Variants in LATS2 observed in about 807,000 individuals in gnomAD.
LATS2 encodes the protein large tumor suppressor kinase 2.
A neutral mutation model predicts 76.0 loss-of-function variants in LATS2; 24 were observed. The observed-to-expected ratio is 0.32, with a 90% confidence interval of 0.23 to 0.44. LATS2 has a LOEUF of 0.44. LATS2 is among the 20% of genes least tolerant of loss of function. The pLI is 1.00. For missense variants in LATS2, 1,286 were observed against 1,481.2 expected, an observed-to-expected ratio of 0.87 and a Z score of 2.16; for synonymous variants, 692 against 635.4, an observed-to-expected ratio of 1.09 and a Z score of -1.34.
chr13:21,059,882 T>C (rs1873570974), intron 1 of LATS2, among the ~76,000 whole-genome samples: 1 of 147,668 alleles, frequency 6.8e-6, no homozygotes, highest in African/African-American at 2.5e-5. Flanking sequence ...GGAGAATCGC[T>C]CGAACCTGGG....
At chr13:20,994,283 T>C (rs952669856) in intron 2 of LATS2, among the ~76,000 whole-genome samples, 1 of 152,264 alleles carries the variant, frequency 6.6e-6, no homozygotes, top group Non-Finnish European at 1.5e-5. Flanking sequence ...CCTTTGAGGC[T>C]TGCCCTTGTT....
chr13:20,998,477 T>G (rs1409541037), intron 2 of LATS2, among the ~76,000 whole-genome samples: 2 of 152,198 alleles, frequency 1.3e-5, no homozygotes, highest in Non-Finnish European at 2.9e-5. Context: ...GGCGGGATCC[T>G]GTGCTTGCTT....
At chr13:21,018,690 G>C (rs141115855) in intron 2 of LATS2, among the ~76,000 whole-genome samples, 106 of 151,724 alleles carry the variant, frequency 7.0e-4, no homozygotes, top group Non-Finnish European at 1.2e-3. Context: ...GTCTTGCTTT[G>C]TCGCCCTGTC....
At chr13:20,985,827 T>C (rs1015135715) in intron 4 of LATS2, among the ~76,000 whole-genome samples, 4 of 151,688 alleles carry the variant, frequency 2.6e-5, no homozygotes, top group African/African-American at 4.9e-5. Context: ...AGGTGGATCA[T>C]CTGAGGTCGG....
At chr13:21,007,531 GATATATATATATAGT>G (rs1458076206) in intron 2 of LATS2, among the ~76,000 whole-genome samples, 3 of 15,486 alleles carry the variant, frequency 1.9e-4, no homozygotes, top group African/African-American at 1.3e-3. Flanking sequence ...GTAGGGGATG[GATATATATATATAGT>G]ATATATATAT....
intron 1 of LATS2, among the ~76,000 whole-genome samples, chr13:21,050,393 C>A (rs149202388): frequency 6.6e-6 from 1 of 152,166 alleles, no homozygotes; most frequent in Non-Finnish European, 1.5e-5. Flanking sequence ...CCAAGGGGAA[C>A]CACCTTCATG....
chr13:21,023,092 C>T (rs1329441687), intron 2 of LATS2: 2 of 152,236 alleles, frequency 1.3e-5, no homozygotes, highest in South Asian at 2.1e-4. Context: ...CAGTGTCGCT[C>T]GAGCCGGGGA....
At chr13:21,037,972 G>T (rs927511532) in intron 2 of LATS2, among the ~76,000 whole-genome samples, 2 of 152,264 alleles carry the variant, frequency 1.3e-5, no homozygotes, top group African/African-American at 4.8e-5. Context: ...GAATGAGGGG[G>T]GCTAGACACG....
chr13:20,989,525 G>A (rs1870415761), intron 3 of LATS2, among the ~76,000 whole-genome samples: 1 of 152,206 alleles, frequency 6.6e-6, no homozygotes, highest in South Asian at 2.1e-4. Flanking sequence ...GAGACAAGCT[G>A]AAGGGCACAT....
At chr13:21,053,868 G>A (rs7139662) in intron 1 of LATS2, among the ~76,000 whole-genome samples, 13,549 of 152,204 alleles carry the variant, frequency 0.089, 642 homozygotes, top group Middle Eastern at 0.11. Context: ...CCTCCAGCAG[G>A]CAAATTCATA....
At chr13:21,002,495 C>T (rs988265806) in intron 2 of LATS2, among the ~76,000 whole-genome samples, 4 of 151,784 alleles carry the variant, frequency 2.6e-5, no homozygotes, top group Non-Finnish European at 5.9e-5. Flanking sequence ...CCACTTCAGC[C>T]TCCAGAGTAG....
chr13:21,000,103 C>T lies in LATS2; in HGVS notation c.343-8699G>A, dbSNP rs567197006. Among the ~76,000 whole-genome samples the T allele has an allele frequency of 5.4e-4, 82 of 152,226 alleles. 1 individual carries two copies. Among genetic ancestry groups the T allele is most frequent in the African/African-American group, 2.0e-3 (81 of 41,528 alleles). On this transcript the variant is annotated intron_variant, in intron 2 of 7. Coordinates refer to ENST00000382592, the MANE Select transcript of LATS2 (RefSeq NM_014572.3). ...AAAATAAAAAATTATAAAGATAGGC[C>T]GGGCGTGGTGGCTCACGCCTGTAAT...
At chr13:21,055,631 T>C (rs1873425215) in intron 1 of LATS2, among the ~76,000 whole-genome samples, 1 of 152,216 alleles carries the variant, frequency 6.6e-6, no homozygotes, top group African/African-American at 2.4e-5. Context: ...TTTATTCTAA[T>C]TTATCCTAGT....
chr13:21,017,372 G>C (rs1871843338), intron 2 of LATS2, among the ~76,000 whole-genome samples: 1 of 151,826 alleles, frequency 6.6e-6, no homozygotes, highest in African/African-American at 2.4e-5. Flanking sequence ...ATGGGGTCTT[G>C]CTATGTTACC....
At chr13:20,979,159 C>T (rs774008101) in intron 7 of LATS2, among the ~76,000 whole-genome samples, 22 of 152,302 alleles carry the variant, frequency 1.4e-4, no homozygotes, top group Non-Finnish European at 7.3e-5. Flanking sequence ...AATACAGGAT[C>T]TAATACATAT....
intron 3 of LATS2, among the ~76,000 whole-genome samples, chr13:20,990,258 GC>G (rs1314045959): frequency 6.6e-6 from 1 of 152,126 alleles, no homozygotes; most frequent in Non-Finnish European, 1.5e-5. Flanking sequence ...GTGCTCTAAG[GC>G]CTCAAAACTG....
Position 20,988,733 on chromosome 13 carries a change from A to T in LATS2, c.1047T>A (p.Thr349=). Residue 349 remains threonine (T), a synonymous_variant, in exon 4 of 8, where the codon ACT becomes ACA. Transcript: ENST00000382592. ...ASDSPPQSLL[T]PSRNSLNVDL... ...CCACGTTGAGGCTGTTCCGCGAGGG[A>T]GTGAGCAGGCTCTGCGGGGGGCTGT... is the stretch of plus-strand genomic sequence containing the variant. The T allele has an allele frequency of 1.3e-6, 2 of 1,569,430 alleles. No individual in the cohort carries two copies. The highest frequency in any genetic ancestry group is 1.7e-6 in the Non-Finnish European group (2 of 1,164,672).
chr13:21,038,217 G>A (rs569054720), intron 2 of LATS2, among the ~76,000 whole-genome samples: 1 of 152,278 alleles, frequency 6.6e-6, no homozygotes, highest in Admixed American at 6.5e-5. Flanking sequence ...CAAAGGTGGA[G>A]CCTGTACCGG....
chr13:21,009,084 G>C (rs181075017), intron 2 of LATS2, among the ~76,000 whole-genome samples: 46 of 152,350 alleles, frequency 3.0e-4, no homozygotes, highest in Admixed American at 2.7e-3. Flanking sequence ...TGTCCTGCCA[G>C]CGATTTGGGC....
Sources: gnomAD v4.1 joint callset for allele counts (sites outside exome capture counted in the v4.1 genomes callset) on GRCh38, gnomAD v4.1.1 for gene constraint, MANE v1.5 for transcripts, NCBI Gene and HGNC (gene_info 2026-07-23, HGNC 2026-07-21) for gene names.